USP31: variants seen among roughly 807,000 people sequenced by gnomAD.
USP31 encodes the protein ubiquitin carboxyl-terminal hydrolase 31.
Under a neutral mutation model 119.4 loss-of-function variants are expected in USP31, and 44 were observed. The observed-to-expected ratio is 0.37, with a 90% confidence interval of 0.29 to 0.47. The LOEUF is 0.47. Among genes scored for constraint, USP31 ranks in the 20% least tolerant of loss-of-function variants. The pLI is 0.99. For synonymous variants in USP31, 749 were observed against 705.6 expected (o/e 1.06, Z -0.97); for missense variants, 1,643 against 1,730.2 (o/e 0.95, Z 0.89).
At chr16:23,143,141 A>G (rs1484052263) in intron 1 of USP31, among the ~76,000 whole-genome samples, 11 of 152,244 alleles carry the variant, frequency 7.2e-5, no homozygotes, top group Admixed American at 7.2e-4. Flanking sequence ...GTTCAAGGAA[A>G]AAAAAATGGG....
chr16:23,079,898 G>C (rs1342238778), intron 13 of USP31, 48 bp downstream of exon 13: 2 of 1,506,638 alleles, frequency 1.3e-6, no homozygotes, highest in Non-Finnish European at 1.8e-6. Context: ...AAGCAAACCC[G>C]TCTGAAGGAC....
chr16:23,124,168 T>C (rs549683992), intron 1 of USP31, among the ~76,000 whole-genome samples: 1 of 152,220 alleles, frequency 6.6e-6, no homozygotes, highest in Non-Finnish European at 1.5e-5. Context: ...CAATAGGGCC[T>C]ATGTAGTCCC....
In USP31 at chr16:23,087,851, A is replaced by G; in HGVS notation, c.1416-16T>C. On this transcript the variant is annotated splice_polypyrimidine_tract_variant and intron_variant, in intron 7 of 15. Coordinates refer to ENST00000219689, the MANE Select transcript of USP31 (RefSeq NM_020718.4). ...CAGTCCAAATCTAACACACATCAAC[A>G]ATGTAATCACCTTTAAAGTACGGTA... 1 of 1,599,712 alleles carries G rather than the reference A, an allele frequency of 6.3e-7. No homozygotes were observed. The highest frequency in any genetic ancestry group is 8.6e-7 in the Non-Finnish European group (1 of 1,168,562).
chr16:23,087,207 GAATT>G, intron 8 of USP31, 21 bp from the exon 9 acceptor site: 2 of 1,602,010 alleles, frequency 1.2e-6, no homozygotes, highest in Non-Finnish European at 1.7e-6. Flanking sequence ...TGTTAGATGA[GAATT>G]AAGCCAAATT....
chr16:23,073,710 A>G lies in USP31; in HGVS notation c.2335+12T>C. 1.2e-6 allele frequency: 2 copies of G among 1,610,334 alleles called. No homozygotes were observed. The highest frequency in any genetic ancestry group is 8.5e-7 in the Non-Finnish European group (1 of 1,178,330). On this transcript the variant is annotated intron_variant, in intron 14 of 15. Transcript: ENST00000219689. ...CTGGAAAAAACTGCCCAAGAACAAG[A>G]GTGGACCTCACCTGCCACCGAGCTG... is the stretch of plus-strand genomic sequence containing the variant.
intron 6 of USP31, among the ~76,000 whole-genome samples, chr16:23,094,532 C>G (rs1901515858): frequency 6.6e-6 from 1 of 152,204 alleles, no homozygotes; most frequent in African/African-American, 2.4e-5. Flanking sequence ...TGAGAATGGA[C>G]AGACTGCCTC....
In USP31 at chr16:23,073,709, G is replaced by C; in HGVS notation, c.2335+13C>G. 1 of 1,609,428 alleles carries C rather than the reference G, an allele frequency of 6.2e-7. No individual in the cohort carries two copies. The highest frequency in any genetic ancestry group is 8.5e-7 in the Non-Finnish European group (1 of 1,177,646). On this transcript the variant is annotated intron_variant, in intron 14 of 15. Transcript: ENST00000219689. ...TCTGGAAAAAACTGCCCAAGAACAAGAGTGGACCTCACCTGCCACCGAGCT... is the reference window on the plus strand; with the variant it reads ...TCTGGAAAAAACTGCCCAAGAACAACAGTGGACCTCACCTGCCACCGAGCT...
intron 6 of USP31, among the ~76,000 whole-genome samples, chr16:23,098,086 C>T (rs1214403760): frequency 6.6e-6 from 1 of 152,146 alleles, no homozygotes; most frequent in Non-Finnish European, 1.5e-5. Flanking sequence ...ATCGTCTCAG[C>T]CCAAAATCTC....
chr16:23,100,769 G>A (rs1240045046), intron 6 of USP31, among the ~76,000 whole-genome samples: 1 of 152,066 alleles, frequency 6.6e-6, no homozygotes, highest in Non-Finnish European at 1.5e-5. Context: ...AGAGAAAGTC[G>A]AATAATGAGT....
chr16:23,102,883 A>G (rs907696365), intron 5 of USP31, among the ~76,000 whole-genome samples: 4 of 152,244 alleles, frequency 2.6e-5, no homozygotes, highest in Non-Finnish European at 4.4e-5. Flanking sequence ...TGGAAGTACA[A>G]TTATTATGTA....
chr16:23,095,379 C>G (rs1596705478), intron 6 of USP31, among the ~76,000 whole-genome samples: 1 of 152,266 alleles, frequency 6.6e-6, no homozygotes, highest in East Asian at 1.9e-4. Flanking sequence ...GATTGCTGTA[C>G]CTGAAAGTGA....
intron 1 of USP31, among the ~76,000 whole-genome samples, chr16:23,146,568 T>G (rs568019603): frequency 1.3e-5 from 2 of 152,080 alleles, no homozygotes; most frequent in African/African-American, 4.8e-5. Context: ...ATCACTGACA[T>G]AGATCTTTTT....
chr16:23,079,478 G>T (rs1209833889), intron 13 of USP31: 1 of 152,454 alleles, frequency 6.6e-6, no homozygotes, highest in Non-Finnish European at 1.5e-5. Context: ...CTTGAGCCCA[G>T]AAGTTCAAGG....
rs1052598784 is a variant in USP31 at position 23,106,269 on chromosome 16, G to A, written c.897C>T (p.Ser299=). The part of the protein sequence containing the change: ...SLTCPHCQKQ[S]NTFDPFLCIS... ...TGCAAAGGAAAGGATCAAAAGTGTT[G>A]CTCTGTTTCTGACAATGAGGACACG... Residue 299 remains serine, a synonymous_variant, in exon 4 of 16, where the codon AGC becomes AGT. Transcript: ENST00000219689. 42 of 1,614,048 alleles carry A rather than the reference G, an allele frequency of 2.6e-5. No homozygotes were observed. The highest frequency in any genetic ancestry group is 3.4e-5 in the Non-Finnish European group (40 of 1,180,034).
intron 1 of USP31, among the ~76,000 whole-genome samples, chr16:23,119,895 G>A (rs1270834958): frequency 1.3e-5 from 2 of 152,114 alleles, no homozygotes; most frequent in Admixed American, 1.3e-4. Context: ...AATGTAAAGG[G>A]GGTGTTCTTC....
chr16:23,142,579 G>A (rs1427832990), intron 1 of USP31, among the ~76,000 whole-genome samples: 1 of 152,206 alleles, frequency 6.6e-6, no homozygotes. Flanking sequence ...TTCACAGTCA[G>A]TGGAAGTCAG....
chr16:23,116,163 G>A (rs1317691792), intron 1 of USP31, among the ~76,000 whole-genome samples: 3 of 152,112 alleles, frequency 2.0e-5, no homozygotes, highest in African/African-American at 7.2e-5. Context: ...TTGATTCTAT[G>A]CCAGAAGAAA....
chr16:23,126,894 T>C (rs1319518701), intron 1 of USP31, among the ~76,000 whole-genome samples: 12 of 152,210 alleles, frequency 7.9e-5, no homozygotes. Flanking sequence ...CATATATGAA[T>C]ACACACATAT....
chr16:23,081,549 C>A (rs1299093208), intron 12 of USP31, among the ~76,000 whole-genome samples: 3 of 152,242 alleles, frequency 2.0e-5, no homozygotes, highest in Non-Finnish European at 4.4e-5. Flanking sequence ...TTCAGGTCTC[C>A]CCATCTTCAT....
Sources: gnomAD v4.1 joint callset for allele counts (sites outside exome capture counted in the v4.1 genomes callset) on GRCh38, gnomAD v4.1.1 for gene constraint, MANE v1.5 for transcripts, NCBI Gene and HGNC (gene_info 2026-07-23, HGNC 2026-07-21) for gene names.